Variants in ANO6 observed in about 807,000 individuals in gnomAD.
ANO6 encodes anoctamin 6.
Under a neutral mutation model 117.5 loss-of-function variants are expected in ANO6, and 106 were observed. The observed-to-expected ratio is 0.90, with a 90% CI of 0.77 to 1.06. The LOEUF (loss-of-function observed/expected upper bound fraction) is 1.06. Among genes scored for constraint, ANO6 ranks in the 50% least tolerant of loss-of-function variants. The pLI is 0.00. For missense variants in ANO6, 955 were observed against 1,121.1 expected, an observed-to-expected ratio of 0.85 and a Z score of 2.12; for synonymous variants, 367 against 385.1, an observed-to-expected ratio of 0.95 and a Z score of 0.55.
At chr12:45,327,759 G>T (rs1209889064) in intron 2 of ANO6, among the ~76,000 whole-genome samples, 1 of 151,990 alleles carries the variant, frequency 6.6e-6, no homozygotes, top group Admixed American at 6.6e-5. Context: ...TAGGAGATGG[G>T]ATTACATATG....
At chr12:45,336,743 G>A (rs937134028) in intron 3 of ANO6, among the ~76,000 whole-genome samples, 1 of 151,940 alleles carries the variant, frequency 6.6e-6, no homozygotes, top group Non-Finnish European at 1.5e-5. Flanking sequence ...TATTTTAAAA[G>A]TATACTTTTT....
intron 1 of ANO6, among the ~76,000 whole-genome samples, chr12:45,223,472 T>TA (rs1385535091): frequency 2.0e-5 from 3 of 152,128 alleles, no homozygotes; most frequent in Admixed American, 2.0e-4. Context: ...AAAAAACACT[T>TA]AGTGTTTTTC....
In ANO6 at chr12:45,216,190, G is replaced by A. The variant is rs1485830349; in HGVS notation, c.-132G>A. Reference sequence around the variant, plus strand: ...CTCGGCTTTCCCCGGCGCTGGCTGGGCTCAGCGGCCCCTGAGCCCAAGCGA... The same window carrying A: ...CTCGGCTTTCCCCGGCGCTGGCTGGACTCAGCGGCCCCTGAGCCCAAGCGA... On this transcript the variant is annotated 5_prime_UTR_variant, in exon 1 of 20. Coordinates refer to ENST00000320560, the MANE Select transcript of ANO6 (RefSeq NM_001025356.3). 16 of 1,063,102 alleles carry A rather than the reference G, an allele frequency of 1.5e-5. No homozygotes were observed. The highest frequency in any genetic ancestry group is 2.2e-5 in the Non-Finnish European group (16 of 717,966). 65.9% of individuals were successfully genotyped at this position (1,063,102 alleles called of 1,614,324 possible). A position where few individuals can be genotyped will look rare whatever the true frequency, so the allele number is the denominator to read the frequency against.
intron 1 of ANO6, among the ~76,000 whole-genome samples, chr12:45,264,453 T>C (rs1283509995): frequency 1.3e-5 from 2 of 152,252 alleles, no homozygotes; most frequent in Admixed American, 1.3e-4. Flanking sequence ...AGTTATGTCT[T>C]ATTTAGTCCC....
intron 17 of ANO6, among the ~76,000 whole-genome samples, chr12:45,418,101 A>G (rs1001058375): frequency 6.6e-6 from 1 of 151,380 alleles, no homozygotes; most frequent in Non-Finnish European, 1.5e-5. Flanking sequence ...TATCATCTTC[A>G]TTACTCATCA....
intron 10 of ANO6, among the ~76,000 whole-genome samples, chr12:45,384,737 T>C (rs917994439): frequency 6.6e-6 from 1 of 152,108 alleles, no homozygotes; most frequent in Non-Finnish European, 1.5e-5. Context: ...CAGACCACTA[T>C]AAAAGATACA....
rs1390108712 is a variant in ANO6 at position 45,439,728 on chromosome 12, C to A, written c.2580C>A (p.Cys860Ter). 1.3e-6 allele frequency: 2 copies of A among 1,544,160 alleles called. No individual in the cohort carries two copies. Among genetic ancestry groups the A allele is most frequent in the East Asian group, 2.5e-5 (1 of 40,738 alleles). The stretch of plus-strand genomic sequence containing the variant: ...ACAGTGGCATGATCTTGGCTCACTG[C>A]AACCTCCGCCTCCCAGTTGACTGCT... The change falls in exon 20 of 20, where the codon TGC (cysteine) becomes TGA (stop). Residue 860 changes from cysteine to a stop codon, truncating the protein, a stop_gained. Coordinates refer to the ANO6 transcript ENST00000425752. LOFTEE classifies it low-confidence loss of function (END_TRUNC).
chr12:45,320,001 T>G (rs1940200091), intron 2 of ANO6, among the ~76,000 whole-genome samples: 1 of 152,314 alleles, frequency 6.6e-6, no homozygotes, highest in Admixed American at 6.5e-5. Context: ...ATTTGATTCT[T>G]CTCTCTTTTA....
intron 3 of ANO6, among the ~76,000 whole-genome samples, chr12:45,344,934 G>T (rs1941086360): frequency 2.0e-5 from 3 of 152,120 alleles, no homozygotes; most frequent in Admixed American, 2.0e-4. Context: ...CGGAGCTGGT[G>T]GGGAAGGGGA....
intron 1 of ANO6, among the ~76,000 whole-genome samples, chr12:45,238,324 T>C (rs1171533041): frequency 6.6e-6 from 1 of 151,934 alleles, no homozygotes; most frequent in Admixed American, 6.6e-5. Context: ...CTAATTTTTC[T>C]ATTTTTAGTA....
chr12:45,416,423 G>A (rs1943214584), intron 16 of ANO6, among the ~76,000 whole-genome samples: 1 of 152,056 alleles, frequency 6.6e-6, no homozygotes, highest in Admixed American at 6.5e-5. Flanking sequence ...TTTATTACCA[G>A]CGAATAATTC....
intron 1 of ANO6, among the ~76,000 whole-genome samples, chr12:45,239,000 CTCTT>C (rs1565638146): frequency 1.3e-5 from 2 of 152,144 alleles, no homozygotes; most frequent in South Asian, 2.1e-4. Flanking sequence ...ATCTAAAATT[CTCTT>C]TCTTTCTTGT....
In ANO6 at chr12:45,216,268, A is replaced by G. The variant is rs1947308139; in HGVS notation, c.-54A>G. ...CCCTGGGAGAGCCGCGCCGTTCTGG[A>G]ACCCGGGAGCCCCCAACTTCGCGCC... is the stretch of plus-strand genomic sequence containing the variant. On this transcript the variant is annotated 5_prime_UTR_variant, in exon 1 of 20. Transcript: ENST00000320560. 1.3e-6 allele frequency: 2 copies of G among 1,563,852 alleles called. No individual in the cohort carries two copies. The highest frequency in any genetic ancestry group is 1.2e-5 in the South Asian group (1 of 85,264).
At chr12:45,361,933 A>G (rs1346478196) in intron 8 of ANO6, among the ~76,000 whole-genome samples, 1 of 152,120 alleles carries the variant, frequency 6.6e-6, no homozygotes, top group Admixed American at 6.5e-5. Context: ...CTATATTTGC[A>G]AGAGATATTA....
At chr12:45,273,378 C>T (rs1378901847) in intron 1 of ANO6, among the ~76,000 whole-genome samples, 2 of 152,092 alleles carry the variant, frequency 1.3e-5, no homozygotes, top group East Asian at 3.9e-4. Context: ...GTCATATAGT[C>T]AGATAGAATT....
In ANO6 at chr12:45,401,932, G is replaced by A. The variant is rs752518869; in HGVS notation, c.1524G>A (p.Thr508=). 1.1e-5 allele frequency: 18 copies of A among 1,613,874 alleles called. No individual in the cohort carries two copies. The highest frequency in any genetic ancestry group is 3.3e-5 in the South Asian group (3 of 91,074). Residue 508 remains threonine, a synonymous_variant, in exon 13 of 20, where the codon ACG becomes ACA. Coordinates refer to ENST00000320560, the MANE Select transcript of ANO6 (RefSeq NM_001025356.3). ...IQKYLTPQTA[T]SITASIISFI... is the part of the protein sequence containing the mutation. ...AATACCTGACTCCACAGACAGCCAC[G>A]TCCATCACGGCCTCCATCATCAGCT... is the stretch of plus-strand genomic sequence containing the variant.
intron 15 of ANO6, among the ~76,000 whole-genome samples, chr12:45,404,303 A>C (rs1273632769): frequency 6.6e-6 from 1 of 152,158 alleles, no homozygotes; most frequent in Non-Finnish European, 1.5e-5. Flanking sequence ...GCCCTTTACA[A>C]TTTTCACTTA....
At chr12:45,240,269 A>G (rs1947717985) in intron 1 of ANO6, among the ~76,000 whole-genome samples, 3 of 146,724 alleles carry the variant, frequency 2.0e-5, no homozygotes, top group Non-Finnish European at 3.0e-5. Flanking sequence ...TCCCTTTACC[A>G]TTATGTAATG....
At chr12:45,385,374 G>A (rs1005274240) in intron 10 of ANO6, among the ~76,000 whole-genome samples, 5 of 152,046 alleles carry the variant, frequency 3.3e-5, no homozygotes, top group Non-Finnish European at 5.9e-5. Flanking sequence ...CAGGGGTGGG[G>A]GCATATGCAA....
Sources: allele counts gnomAD v4.1 joint callset (sites outside exome capture counted in the v4.1 genomes callset), GRCh38; gene constraint gnomAD v4.1.1; transcripts MANE v1.5; gene names NCBI Gene and HGNC (gene_info 2026-07-23, HGNC 2026-07-21).